Variants in MYO1E observed in about 807,000 individuals in gnomAD.
The protein encoded by MYO1E is myosin IE.
A neutral mutation model predicts 151.1 loss-of-function variants in MYO1E; 68 were observed. That is an observed-to-expected ratio of 0.45 (90% CI 0.37 to 0.55). The LOEUF (loss-of-function observed/expected upper bound fraction) is 0.55. MYO1E is among the 20% of genes least tolerant of loss of function. The pLI, the probability that MYO1E is intolerant of heterozygous loss-of-function variation, is 0.00. For missense variants in MYO1E, 1,363 were observed against 1,389.3 expected (o/e 0.98, Z 0.30); for synonymous variants, 601 against 501.7 (o/e 1.20, Z -2.64).
chr15:59,294,056 A>G (rs2080435294), intron 1 of MYO1E, among the ~76,000 whole-genome samples: 1 of 152,228 alleles, frequency 6.6e-6, no homozygotes, highest in Middle Eastern at 3.2e-3. Context: ...AAAACAAAAT[A>G]ACAACAGAAA....
rs1596360176 is a variant in MYO1E, at chr15:59,195,545, C to T, written c.1721G>A (p.Ser574Asn). ...KIKKQANDLV[S>N]TLMKCTPHYI... ...GTGGGGCGTACATTTCATCAGGGTG[C>T]TCACAAGGTCATTGGCTTGTTTCTA... The change falls in exon 17 of 28, where the codon AGC becomes AAC. Residue 574 changes from serine (S) to asparagine (N), a missense_variant. Coordinates refer to ENST00000288235, the MANE Select transcript of MYO1E (RefSeq NM_004998.4). 2.5e-6 allele frequency: 4 copies of T among 1,613,886 alleles called. No homozygotes were observed. Among genetic ancestry groups the T allele is most frequent in the East Asian group, 4.5e-5 (2 of 44,890 alleles).
chr15:59,230,224 TTGTGTGTG>T (rs71119445), intron 6 of MYO1E, among the ~76,000 whole-genome samples: 1 of 126,916 alleles, frequency 7.9e-6, no homozygotes, highest in African/African-American at 3.0e-5. Flanking sequence ...CAGTGTGTGT[TTGTGTGTG>T]TGTGTGTGTG....
chr15:59,148,383 G>A (rs2079454734), intron 26 of MYO1E, among the ~76,000 whole-genome samples: 1 of 152,220 alleles, frequency 6.6e-6, no homozygotes, highest in Non-Finnish European at 1.5e-5. Flanking sequence ...GGGTGGGTGT[G>A]CCTAGTCTAT....
intron 13 of MYO1E, among the ~76,000 whole-genome samples, chr15:59,210,268 C>G (rs1428895261): frequency 2.6e-5 from 4 of 152,124 alleles, no homozygotes; most frequent in African/African-American, 9.7e-5. Flanking sequence ...CCTGTCTTCT[C>G]TTAGAATTCA....
At chr15:59,273,023 A>G (rs560335287) in intron 1 of MYO1E, among the ~76,000 whole-genome samples, 2 of 152,372 alleles carry the variant, frequency 1.3e-5, no homozygotes, top group South Asian at 2.1e-4. Flanking sequence ...TATCACTGTC[A>G]TACGTGTAAT....
At chr15:59,303,806 G>C (rs978071801) in intron 1 of MYO1E, among the ~76,000 whole-genome samples, 1 of 152,194 alleles carries the variant, frequency 6.6e-6, no homozygotes, top group South Asian at 2.1e-4. Context: ...AAAGCTACTT[G>C]TTCTACTGAG....
intron 1 of MYO1E, among the ~76,000 whole-genome samples, chr15:59,356,258 CA>C (rs1220549400): frequency 6.6e-6 from 1 of 152,198 alleles, no homozygotes; most frequent in African/African-American, 2.4e-5. Context: ...GTCTTTTTAT[CA>C]CCTGTCTCCT....
At chr15:59,238,293 A>G (rs1041527666) in intron 4 of MYO1E, among the ~76,000 whole-genome samples, 5 of 152,228 alleles carry the variant, frequency 3.3e-5, no homozygotes, top group South Asian at 2.1e-4. Context: ...TTTGGCAACA[A>G]TGAAACTCCA....
intron 6 of MYO1E, among the ~76,000 whole-genome samples, chr15:59,227,958 T>C (rs574062115): frequency 2.0e-5 from 3 of 152,112 alleles, no homozygotes; most frequent in East Asian, 1.9e-4. Flanking sequence ...TCAGGCTTCA[T>C]CTCATGGCTT....
chr15:59,227,013 C>A (rs899333551), intron 7 of MYO1E, among the ~76,000 whole-genome samples: 2 of 152,198 alleles, frequency 1.3e-5, no homozygotes, highest in Non-Finnish European at 2.9e-5. Flanking sequence ...GAGACGCCTG[C>A]CCTGCAGGCA....
intron 1 of MYO1E, among the ~76,000 whole-genome samples, chr15:59,324,777 A>C (rs1008407744): frequency 1.3e-5 from 2 of 151,940 alleles, no homozygotes; most frequent in Non-Finnish European, 2.9e-5. Flanking sequence ...AGTAAAATTG[A>C]GCCTTATGTC....
chr15:59,151,977 G>A (rs1596343263), intron 26 of MYO1E, among the ~76,000 whole-genome samples: 1 of 151,788 alleles, frequency 6.6e-6, no homozygotes, highest in Non-Finnish European at 1.5e-5. Context: ...CTGAGGCAGG[G>A]GAATCGCTTG....
chr15:59,278,692 A>G (rs2080335849), intron 1 of MYO1E, among the ~76,000 whole-genome samples: 1 of 152,204 alleles, frequency 6.6e-6, no homozygotes, highest in Non-Finnish European at 1.5e-5. Context: ...TGCACAGAGT[A>G]CAATATGAGG....
At position 59,205,265 on chromosome 15, in the gene MYO1E, T is replaced by G. The variant is rs554145740; in HGVS notation, c.1616+135A>C. 233 of 886,570 alleles carry G rather than the reference T, an allele frequency of 2.6e-4. No homozygotes were observed. In the African/African-American group the frequency reaches 3.6e-3, roughly 14 times the overall value. The allele number at this position is 886,570 out of a possible 1,614,324, so 54.9% of individuals were successfully genotyped here. ...GCAGCCTCAAACTCCTAGGATCAAG[T>G]GATCCTCCTGCCTTAGCCTCCTGAG... is the stretch of plus-strand genomic sequence containing the variant. On this transcript the variant is annotated intron_variant, in intron 15 of 27. Transcript: ENST00000288235.
At chr15:59,271,706 A>C (rs1333966253) in intron 2 of MYO1E, among the ~76,000 whole-genome samples, 1 of 152,264 alleles carries the variant, frequency 6.6e-6, no homozygotes, top group Non-Finnish European at 1.5e-5. Flanking sequence ...TTCACTTCTC[A>C]CATTTCCTTT....
chr15:59,371,863 T>C (rs2080947207), intron 1 of MYO1E, among the ~76,000 whole-genome samples: 1 of 151,414 alleles, frequency 6.6e-6, no homozygotes, highest in Non-Finnish European at 1.5e-5. Flanking sequence ...TCTCCCTGGC[T>C]CTTGACAGCC....
chr15:59,271,323 G>A (rs1305236516), intron 2 of MYO1E, among the ~76,000 whole-genome samples: 1 of 152,172 alleles, frequency 6.6e-6, no homozygotes, highest in Non-Finnish European at 1.5e-5. Context: ...AAAAATCTAA[G>A]ATGTATATTA....
At chr15:59,268,868 C>A (rs28556876) in intron 2 of MYO1E, among the ~76,000 whole-genome samples, 9 of 151,328 alleles carry the variant, frequency 5.9e-5, no homozygotes, top group African/African-American at 1.7e-4. Context: ...AGTAAACAAT[C>A]GTGATTGGGA....
chr15:59,289,663 G>T (rs2080407585), intron 1 of MYO1E, among the ~76,000 whole-genome samples: 2 of 152,332 alleles, frequency 1.3e-5, no homozygotes, highest in East Asian at 3.9e-4. Flanking sequence ...TCCAGAAGAT[G>T]AGGGGCAATG....
Sources: gnomAD v4.1 joint callset for allele counts (sites outside exome capture counted in the v4.1 genomes callset) on GRCh38, gnomAD v4.1.1 for gene constraint, MANE v1.5 for transcripts, NCBI Gene and HGNC (gene_info 2026-07-23, HGNC 2026-07-21) for gene names.